DST: variants seen among roughly 807,000 people sequenced by gnomAD.
The protein encoded by DST is dystonin, also known as bullous pemphigoid antigen.
In DST, 253 loss-of-function variants were observed where a neutral mutation model predicts 875.2. That is an observed-to-expected ratio of 0.29 (90% CI 0.26 to 0.32). The LOEUF (loss-of-function observed/expected upper bound fraction) is 0.32. DST is among the 10% of genes least tolerant of loss of function. The probability of loss-of-function intolerance (pLI) is 1.00; values close to 1 mark genes in which losing one functional copy is unlikely to be tolerated. For synonymous variants in DST, 3,124 were observed against 3,197.1 expected (o/e 0.98, Z 0.77); for missense variants, 8,287 against 9,111.6 (o/e 0.91, Z 3.68).
chr6:56,898,342 G>GAC (rs1394934622), intron 3 of DST, among the ~76,000 whole-genome samples: 5 of 152,194 alleles, frequency 3.3e-5, no homozygotes, highest in Admixed American at 2.6e-4. Flanking sequence ...GGGCAAAGTA[G>GAC]ACAGCAGGTT....
chr6:56,834,597 C>CA (rs34195706), intron 4 of DST, among the ~76,000 whole-genome samples: 4,249 of 144,230 alleles, frequency 0.029, 154 homozygotes, highest in African/African-American at 0.09. Context: ...ACTCCAACTC[C>CA]AAAAAAAAAA....
rs770935424 is a variant in DST at position 56,608,231 on chromosome 6, T to C, written c.6397A>G (p.Asn2133Asp). Residue 2133 changes from asparagine (N) to aspartate (D), a missense_variant, in exon 40 of 104, where the codon AAC (asparagine) becomes GAC (aspartate). Around this residue, in one of 10 missense-constraint regions of DST, gnomAD observed 3,138 missense variants for 3,116.6 expected, o/e 1.01. Transcript: ENST00000680361. ...ATATTTTTTAAAATTGATGCTGTGTTGTTGTCTATAATTCCTAGCTGTTTA... is the reference window on the plus strand; with the variant it reads ...ATATTTTTTAAAATTGATGCTGTGTCGTTGTCTATAATTCCTAGCTGTTTA... ...AAKQLGIIDN[N>D]TASILKNITL... 5.0e-6 allele frequency: 8 copies of C among 1,613,614 alleles called. No individual in the cohort carries two copies. The Admixed American group carries it at 1.3e-4, about 27-fold the overall frequency.
chr6:56,459,344 C>G, intron 103 of DST, 77 bp from the exon 104 acceptor site: 1 of 1,447,350 alleles, frequency 6.9e-7, no homozygotes, highest in Non-Finnish European at 9.2e-7. Context: ...CCGATGCCAC[C>G]TTTAATCTTA....
intron 4 of DST, among the ~76,000 whole-genome samples, chr6:56,828,214 A>C (rs1463886380): frequency 2.0e-5 from 3 of 152,352 alleles, no homozygotes; most frequent in South Asian, 2.1e-4. Flanking sequence ...GTTAACTAGG[A>C]AACAGCCAGA....
chr6:56,481,462 GGTTA>G (rs1247468608), intron 90 of DST, among the ~76,000 whole-genome samples: 2 of 152,014 alleles, frequency 1.3e-5, no homozygotes, highest in East Asian at 1.9e-4. Flanking sequence ...ATTTAGACTT[GGTTA>G]GTTATTCAAT....
intron 5 of DST, among the ~76,000 whole-genome samples, chr6:56,716,470 C>A (rs186701950): frequency 6.6e-6 from 1 of 152,314 alleles, no homozygotes; most frequent in African/African-American, 2.4e-5. Context: ...GACCTTGGGT[C>A]AGGCAAAGAT....
At chr6:56,652,444 C>T (rs956708604) in intron 10 of DST, among the ~76,000 whole-genome samples, 1 of 152,278 alleles carries the variant, frequency 6.6e-6, no homozygotes, top group Admixed American at 6.5e-5. Flanking sequence ...GAAAGGCTCT[C>T]TACAAGCTCC....
Position 56,459,038 on chromosome 6 carries a change from A to AG in DST, c.23423dup (p.Ala7809CysfsTer65). 2 of 1,612,452 alleles carry AG rather than the reference A, an allele frequency of 1.2e-6. No homozygotes were observed. Among genetic ancestry groups the AG allele is most frequent in the Non-Finnish European group, 1.7e-6 (2 of 1,178,668 alleles). On this transcript the variant is annotated frameshift_variant, in exon 104 of 104. Coordinates refer to ENST00000680361, the MANE Select transcript of DST (RefSeq NM_001374736.1). LOFTEE classifies it high-confidence loss of function. ...TTGAGGACTTGTCCAATTTGCTGGCAGGTGATTTCCTCTGGGGCGTGGGGA... is the reference window on the plus strand; with the variant it reads ...TTGAGGACTTGTCCAATTTGCTGGCAGGGTGATTTCCTCTGGGGCGTGGGGA...
At chr6:56,799,060 G>A (rs969020851) in intron 4 of DST, among the ~76,000 whole-genome samples, 10 of 152,196 alleles carry the variant, frequency 6.6e-5, no homozygotes, top group Non-Finnish European at 1.0e-4. Flanking sequence ...ATCTACTCCT[G>A]GTGAAGACAC....
intron 4 of DST, chr6:56,843,491 G>A: frequency 2.0e-6 from 2 of 989,844 alleles, no homozygotes; most frequent in Non-Finnish European, 2.4e-6. Context: ...CGGCGAGGGC[G>A]GGCGGGGGCC....
At chr6:56,621,041 A>T (rs1365215544) in intron 36 of DST, among the ~76,000 whole-genome samples, 1 of 152,248 alleles carries the variant, frequency 6.6e-6, no homozygotes, top group Non-Finnish European at 1.5e-5. Context: ...CGAGGAGGAC[A>T]GATATTTTTG....
At chr6:56,462,841 A>G (rs1396015888) in intron 102 of DST, among the ~76,000 whole-genome samples, 1 of 152,226 alleles carries the variant, frequency 6.6e-6, no homozygotes, top group Non-Finnish European at 1.5e-5. Context: ...GACACTGTTT[A>G]AAGAGCTGCA....
chr6:56,755,013 T>G (rs112149626), intron 4 of DST, among the ~76,000 whole-genome samples: 2,011 of 152,204 alleles, frequency 0.013, 41 homozygotes, highest in African/African-American at 0.046. Flanking sequence ...TGTCTATTTT[T>G]TTCAGCTCCG....
At chr6:56,654,788 A>G (rs904743734) in intron 10 of DST, among the ~76,000 whole-genome samples, 1 of 152,074 alleles carries the variant, frequency 6.6e-6, no homozygotes, top group Admixed American at 6.5e-5. Flanking sequence ...CAGTACTCCA[A>G]AACTTTATTA....
intron 65 of DST, 34 bp from the exon 66 acceptor site, chr6:56,529,808 C>A: frequency 2.7e-6 from 4 of 1,467,822 alleles, no homozygotes; most frequent in South Asian, 1.5e-5. Flanking sequence ...AGAAGAAAAA[C>A]AAAAAGAATG....
chr6:56,664,799 T>G (rs2099063969), intron 10 of DST, among the ~76,000 whole-genome samples: 1 of 152,116 alleles, frequency 6.6e-6, no homozygotes, highest in South Asian at 2.1e-4. Flanking sequence ...AAAGTTAAAG[T>G]ATACAAACAG....
At chr6:56,662,802 C>T (rs1025257140) in intron 10 of DST, among the ~76,000 whole-genome samples, 2 of 151,438 alleles carry the variant, frequency 1.3e-5, no homozygotes, top group African/African-American at 4.9e-5. Context: ...ATTAGTTGGG[C>T]ATGGGGGCGG....
chr6:56,862,694 A>G (rs908449081), intron 3 of DST, among the ~76,000 whole-genome samples: 3 of 152,312 alleles, frequency 2.0e-5, no homozygotes, highest in Admixed American at 6.5e-5. Flanking sequence ...GTAATGGTCC[A>G]GCAATAAATG....
In DST at chr6:56,780,701, C is replaced by A. The variant is rs1310729842; in HGVS notation, c.626-45412G>T. ...TGCCTGTTCACTCTGATGGTAGTTT[C>A]TTTTGCTGTGCAGAAGCTCTTTAGT... On this transcript the variant is annotated intron_variant, in intron 4 of 103. Coordinates refer to ENST00000680361, the MANE Select transcript of DST (RefSeq NM_001374736.1). Among the ~76,000 whole-genome samples, 10 of 150,850 alleles carry A rather than the reference C, an allele frequency of 6.6e-5. No individual in the cohort carries two copies. In the East Asian group the frequency reaches 1.9e-3, roughly 29 times the overall value.
Sources: allele counts gnomAD v4.1 joint callset (sites outside exome capture counted in the v4.1 genomes callset), GRCh38; gene constraint gnomAD v4.1.1; regional missense constraint gnomAD v4.1.1; transcripts MANE v1.5; gene names NCBI Gene and HGNC (gene_info 2026-07-23, HGNC 2026-07-21).